ITSN2: variants seen among roughly 807,000 people sequenced by gnomAD.
ITSN2 encodes the protein intersectin 2.
Under a neutral mutation model 243.7 loss-of-function variants are expected in ITSN2, and 156 were observed. The observed-to-expected ratio is 0.64, with a 90% CI of 0.56 to 0.73. ITSN2 has a LOEUF of 0.73. ITSN2 is among the 30% of genes least tolerant of loss of function. The pLI is 0.00. For synonymous variants in ITSN2, 703 were observed against 699.9 expected, an observed-to-expected ratio of 1.00 and a Z score of -0.07; for missense variants, 1,801 against 1,996.1, an observed-to-expected ratio of 0.90 and a Z score of 1.86.
intron 1 of ITSN2, among the ~76,000 whole-genome samples, chr2:24,345,078 T>G (rs189837344): frequency 1.1e-3 from 160 of 152,338 alleles, no homozygotes; most frequent in Non-Finnish European, 1.9e-3. Flanking sequence ...ATTTTACATT[T>G]TTGTACTGTC....
In ITSN2 at chr2:24,204,076, TCCTCCCCTGAGGAAGGCCACCC is replaced by T; in HGVS notation, c.4936+147_4936+168del. On this transcript the variant is annotated intron_variant, in intron 39 of 39. Transcript: ENST00000355123. This position sits in a 1 kb window ranked among gnomAD's most constrained non-coding sequence, Gnocchi z 5.1. ...GACCTGAAACACATCTCAGGCCACCTCCTCCCCTGAGGAAGGCCACCCACCTGCTGCCAAAGCGAGATGACAC... is the reference window on the plus strand; with the variant it reads ...GACCTGAAACACATCTCAGGCCACCTACCTGCTGCCAAAGCGAGATGACAC... The T allele has an allele frequency of 1.5e-6, 1 of 682,404 alleles. No homozygotes were observed. The highest frequency in any genetic ancestry group is 1.9e-5 in the South Asian group (1 of 53,182). The allele number at this position is 682,404 out of a possible 1,614,324, so 42.3% of individuals were successfully genotyped here. A position where few individuals can be genotyped will look rare whatever the true frequency, so the allele number is the denominator to read the frequency against.
chr2:24,347,948 C>T (rs187830712), intron 1 of ITSN2, among the ~76,000 whole-genome samples: 178 of 151,982 alleles, frequency 1.2e-3, no homozygotes, highest in African/African-American at 4.1e-3. Context: ...GGGTGGTGTG[C>T]ATCTATAGTC....
chr2:24,235,512 A>G (rs1193585597), intron 29 of ITSN2, among the ~76,000 whole-genome samples: 1 of 152,124 alleles, frequency 6.6e-6, no homozygotes, highest in Non-Finnish European at 1.5e-5. Flanking sequence ...AGGTGCATCA[A>G]TTGTAACAAA....
chr2:24,263,867 T>C (rs1676239255), intron 20 of ITSN2, among the ~76,000 whole-genome samples: 1 of 152,222 alleles, frequency 6.6e-6, no homozygotes, highest in Admixed American at 6.5e-5. Context: ...GCTATGAACA[T>C]TTGTCTTCAT....
chr2:24,209,780 T>C lies in ITSN2; in HGVS notation c.4473+38A>G, dbSNP rs751256596. On this transcript the variant is annotated intron_variant, in intron 35 of 39. Transcript: ENST00000355123. ...CCTTAAGATAGAGGCAACACCTCAT[T>C]AGGCCCCTGATGCTACCCCCAGACG... 1.3e-5 allele frequency: 20 copies of C among 1,531,284 alleles called. No individual in the cohort carries two copies. In the Admixed American group the frequency reaches 3.3e-4, roughly 26 times the overall value. The allele number at this position is 1,531,284 out of a possible 1,614,324, so 94.9% of individuals were successfully genotyped here.
intron 2 of ITSN2, among the ~76,000 whole-genome samples, chr2:24,316,924 C>A (rs539985780): frequency 1.3e-5 from 2 of 152,288 alleles, no homozygotes; most frequent in Non-Finnish European, 2.9e-5. Flanking sequence ...AAGCTTGACC[C>A]ACGAAGGCCT....
At chr2:24,297,841 C>A (rs1436375213) in intron 13 of ITSN2, among the ~76,000 whole-genome samples, 1 of 152,170 alleles carries the variant, frequency 6.6e-6, no homozygotes, top group Non-Finnish European at 1.5e-5. Context: ...AGTGTCTGAA[C>A]TGATGCTACA....
chr2:24,208,009 CAG>C (rs1348623821), intron 37 of ITSN2, among the ~76,000 whole-genome samples: 2 of 151,868 alleles, frequency 1.3e-5, no homozygotes, highest in Non-Finnish European at 2.9e-5. Flanking sequence ...AGAGGTGGTG[CAG>C]AGAGGGAGGT....
At chr2:24,210,670 G>T in intron 34 of ITSN2, 110 bp downstream of exon 34, 9 of 882,370 alleles carry the variant, frequency 1.0e-5, no homozygotes, top group African/African-American at 1.7e-5. Context: ...AGGGTGGTGA[G>T]TCCACGCAGG....
At chr2:24,214,999 T>C (rs926918309) in intron 32 of ITSN2, among the ~76,000 whole-genome samples, 2 of 152,260 alleles carry the variant, frequency 1.3e-5, no homozygotes, top group African/African-American at 4.8e-5. Flanking sequence ...TAGTTTCTAC[T>C]ACTGAACAAC....
At chr2:24,341,809 G>A (rs1394531811) in intron 1 of ITSN2, among the ~76,000 whole-genome samples, 9 of 152,216 alleles carry the variant, frequency 5.9e-5, no homozygotes, top group South Asian at 2.1e-4. Context: ...AGCCAAGATC[G>A]CACCACTGCC....
At chr2:24,231,528 T>C (rs543097290) in intron 29 of ITSN2, among the ~76,000 whole-genome samples, 1 of 152,302 alleles carries the variant, frequency 6.6e-6, no homozygotes, top group East Asian at 1.9e-4. Flanking sequence ...GAATAATTAG[T>C]AGTGGGCTGG....
chr2:24,320,100 CGGACAT>C (rs931922892), intron 2 of ITSN2, among the ~76,000 whole-genome samples: 18 of 152,092 alleles, frequency 1.2e-4, no homozygotes, highest in Non-Finnish European at 2.4e-4. Context: ...AAGGAGAGGC[CGGACAT>C]GGTGGTGCAC....
chr2:24,346,167 G>A (rs988598361), intron 1 of ITSN2, among the ~76,000 whole-genome samples: 1 of 152,162 alleles, frequency 6.6e-6, no homozygotes, highest in African/African-American at 2.4e-5. Flanking sequence ...AAAGGAGGGT[G>A]GGGGATTAAC....
At position 24,313,241 on chromosome 2, in the gene ITSN2, A is replaced by G. The variant is rs548073126; in HGVS notation, c.188+219T>C. Among the ~76,000 whole-genome samples the G allele has an allele frequency of 1.5e-3, 227 of 151,756 alleles. 1 individual carries two copies. The highest frequency in any genetic ancestry group is 5.2e-3 in the African/African-American group (214 of 41,380). ...CTGGGACTAGAGGTGTGGCCACCAC[A>G]CCCAGCTAATTTTTTTTTTAATTTT... On this transcript the variant is annotated intron_variant, in intron 4 of 39. Transcript: ENST00000355123.
At chr2:24,226,661 T>C (rs1003203482) in intron 29 of ITSN2, among the ~76,000 whole-genome samples, 3 of 152,202 alleles carry the variant, frequency 2.0e-5, no homozygotes, top group African/African-American at 7.2e-5. Context: ...ATTAGATTTC[T>C]AGCTGGACAG....
chr2:24,315,462 G>C (rs1028920362), intron 2 of ITSN2, among the ~76,000 whole-genome samples: 1 of 152,140 alleles, frequency 6.6e-6, no homozygotes, highest in Non-Finnish European at 1.5e-5. Context: ...TGGGCATCAA[G>C]CTAAATACTG....
At chr2:24,264,851 A>C (rs1190875486) in intron 20 of ITSN2, among the ~76,000 whole-genome samples, 1 of 53,142 alleles carries the variant, frequency 1.9e-5, no homozygotes, top group Admixed American at 2.3e-4. Flanking sequence ...AGGTACTAAA[A>C]GATTTCCAAC....
intron 24 of ITSN2, 130 bp downstream of exon 24, chr2:24,254,237 A>C: frequency 1.6e-6 from 1 of 619,248 alleles, no homozygotes; most frequent in East Asian, 2.6e-5. Context: ...TCCTAATCTC[A>C]CTTTAATACT....
Sources: allele counts gnomAD v4.1 joint callset (sites outside exome capture counted in the v4.1 genomes callset), GRCh38; gene constraint gnomAD v4.1.1; non-coding constraint Gnocchi (gnomAD v3.1); transcripts MANE v1.5; gene names NCBI Gene and HGNC (gene_info 2026-07-23, HGNC 2026-07-21).